Variants in LRRC20 observed in about 807,000 individuals in gnomAD.
LRRC20 encodes the protein leucine rich repeat containing 20.
Under a neutral mutation model 14.4 loss-of-function variants are expected in LRRC20, and 11 were observed. That is an observed-to-expected ratio of 0.77 (90% CI 0.48 to 1.27). The LOEUF (loss-of-function observed/expected upper bound fraction) is 1.27, where lower values mean the gene tolerates loss of function less well. Among genes scored for constraint, LRRC20 ranks in the 50% most tolerant of loss-of-function variants. The pLI is 0.00. For missense variants in LRRC20, 219 were observed against 251.2 expected (o/e 0.87, Z 0.87); for synonymous variants, 121 against 107.3 (o/e 1.13, Z -0.79).
intron 2 of LRRC20, among the ~76,000 whole-genome samples, chr10:70,349,111 T>C (rs1007798138): frequency 6.6e-6 from 1 of 151,830 alleles, no homozygotes; most frequent in Non-Finnish European, 1.5e-5. Context: ...GAAGGTCTCA[T>C]TCTCTATGGG....
intron 1 of LRRC20, chr10:70,382,345 C>T (rs1339735133): frequency 1.3e-5 from 2 of 152,410 alleles, no homozygotes; most frequent in African/African-American, 4.8e-5. Context: ...CATGCCGAGC[C>T]CCTTGGCACC....
chr10:70,309,247 G>A (rs1273680643), intron 4 of LRRC20, among the ~76,000 whole-genome samples: 1 of 152,216 alleles, frequency 6.6e-6, no homozygotes, highest in African/African-American at 2.4e-5. Context: ...AGGAGGTGTA[G>A]CACCTTTGTC....
intron 2 of LRRC20, among the ~76,000 whole-genome samples, chr10:70,355,729 C>A (rs891438822): frequency 6.6e-6 from 1 of 152,192 alleles, no homozygotes; most frequent in African/African-American, 2.4e-5. Flanking sequence ...CATGCAGTGA[C>A]CCTTGGGGTA....
chr10:70,324,147 TA>T (rs1842221031), intron 3 of LRRC20, 117 bp from the exon 4 acceptor site: 4 of 901,082 alleles, frequency 4.4e-6, no homozygotes, highest in Non-Finnish European at 6.9e-6. Flanking sequence ...GAGGAAGCCC[TA>T]GGCCACAGAG....
Position 70,371,607 on chromosome 10 carries a change from C to T in LRRC20, c.82+4845G>A, listed in dbSNP as rs539560407. Among the ~76,000 whole-genome samples the T allele has an allele frequency of 2.2e-3, 332 of 152,160 alleles. 2 individuals carry two copies. Among genetic ancestry groups the T allele is most frequent in the African/African-American group, 7.7e-3 (320 of 41,522 alleles). On this transcript the variant is annotated intron_variant, in intron 2 of 4. Transcript: ENST00000446961. ...GTGGGGTCAGACTAAGGCCCCTCAG[C>T]GGTCCAGGACCCACGGAAACCCAGA...
chr10:70,354,033 T>A (rs1843429226), intron 2 of LRRC20, among the ~76,000 whole-genome samples: 1 of 152,216 alleles, frequency 6.6e-6, no homozygotes, highest in African/African-American at 2.4e-5. Flanking sequence ...TGGGTCCTTA[T>A]GCCCTTAGTT....
intron 2 of LRRC20, among the ~76,000 whole-genome samples, chr10:70,370,661 C>T (rs930462810): frequency 1.3e-5 from 2 of 152,000 alleles, no homozygotes; most frequent in African/African-American, 2.4e-5. Flanking sequence ...GAGAATTGCT[C>T]GAACCCAGGA....
chr10:70,348,272 C>T (rs982518565), intron 2 of LRRC20, among the ~76,000 whole-genome samples: 1 of 152,160 alleles, frequency 6.6e-6, no homozygotes, highest in African/African-American at 2.4e-5. Flanking sequence ...GCCACTAACA[C>T]AGCACATGGA....
intron 2 of LRRC20, among the ~76,000 whole-genome samples, chr10:70,355,879 T>C (rs1843499280): frequency 1.3e-5 from 1 of 76,854 alleles, no homozygotes; most frequent in Non-Finnish European, 2.6e-5. Context: ...GAGGGCTGTG[T>C]GGACACCCCT....
chr10:70,377,521 A>G (rs1240432547), intron 1 of LRRC20, among the ~76,000 whole-genome samples: 1 of 152,150 alleles, frequency 6.6e-6, no homozygotes, highest in African/African-American at 2.4e-5. Flanking sequence ...TCACTTTTTT[A>G]TAAAAATAGC....
intron 2 of LRRC20, among the ~76,000 whole-genome samples, chr10:70,354,842 G>A (rs771668988): frequency 1.3e-5 from 2 of 152,134 alleles, no homozygotes; most frequent in Non-Finnish European, 2.9e-5. Flanking sequence ...AGAGGCACAC[G>A]TGACCCTCGG....
chr10:70,344,915 C>A (rs904824408), intron 2 of LRRC20, among the ~76,000 whole-genome samples: 1 of 152,068 alleles, frequency 6.6e-6, no homozygotes, highest in Non-Finnish European at 1.5e-5. Context: ...TATAACATGT[C>A]CATTGATGAC....
chr10:70,322,118 C>T (rs1411073487), intron 4 of LRRC20, among the ~76,000 whole-genome samples: 1 of 4,284 alleles, frequency 2.3e-4, no homozygotes, highest in Non-Finnish European at 4.4e-3. Flanking sequence ...CGACCCGCTC[C>T]CTTATCTGGC....
At chr10:70,317,831 T>C (rs1194300851) in intron 4 of LRRC20, among the ~76,000 whole-genome samples, 1 of 152,200 alleles carries the variant, frequency 6.6e-6, no homozygotes, top group African/African-American at 2.4e-5. Flanking sequence ...GCACCCTCCC[T>C]GGCAAGCTGG....
chr10:70,331,213 T>C (rs1355785689), intron 3 of LRRC20, among the ~76,000 whole-genome samples: 9 of 152,160 alleles, frequency 5.9e-5, no homozygotes, highest in Non-Finnish European at 7.3e-5. Flanking sequence ...ATCAGAAGCA[T>C]CACTCATCAA....
At chr10:70,322,521 A>G (rs904710069) in intron 4 of LRRC20, among the ~76,000 whole-genome samples, 4 of 152,092 alleles carry the variant, frequency 2.6e-5, no homozygotes, top group Non-Finnish European at 5.9e-5. Context: ...ACTTCTGGGC[A>G]GGCTCCTTCT....
At chr10:70,305,011 CCT>C (rs1304742021) in intron 4 of LRRC20, among the ~76,000 whole-genome samples, 1 of 152,082 alleles carries the variant, frequency 6.6e-6, no homozygotes, top group Non-Finnish European at 1.5e-5. Context: ...ACAGTGAAAC[CCT>C]GTCTCTACTA....
intron 2 of LRRC20, among the ~76,000 whole-genome samples, chr10:70,364,950 A>G (rs1843916761): frequency 1.3e-5 from 2 of 152,166 alleles, no homozygotes; most frequent in Admixed American, 1.3e-4. Context: ...AGGAAGCTCC[A>G]AATTGCAAAC....
At chr10:70,341,985 T>C (rs1231812728) in intron 2 of LRRC20, among the ~76,000 whole-genome samples, 1 of 151,828 alleles carries the variant, frequency 6.6e-6, no homozygotes, top group African/African-American at 2.4e-5. Context: ...GGGGGAGTTC[T>C]TTGTAGGGGT....
Sources: allele counts gnomAD v4.1 joint callset (sites outside exome capture counted in the v4.1 genomes callset), GRCh38; gene constraint gnomAD v4.1.1; transcripts MANE v1.5; gene names NCBI Gene and HGNC (gene_info 2026-07-23, HGNC 2026-07-21).